The following LRBA variants were observed in gnomAD, a reference collection of about 807,000 sequenced individuals.
LRBA encodes the protein LPS responsive beige-like anchor protein, also known as lipopolysaccharide-responsive and beige-like anchor protein.
Under a neutral mutation model 330.0 loss-of-function variants are expected in LRBA, and 176 were observed. That is an observed-to-expected ratio of 0.53 (90% CI 0.47 to 0.60). LRBA has a LOEUF of 0.60. LRBA is among the 20% of genes least tolerant of loss of function. The probability of loss-of-function intolerance (pLI) is 0.00; values close to 1 mark genes in which losing one functional copy is unlikely to be tolerated. For missense variants in LRBA, 3,259 were observed against 3,444.8 expected (o/e 0.95, Z 1.35); for synonymous variants, 1,230 against 1,193.0 (o/e 1.03, Z -0.64).
intron 2 of LRBA, among the ~76,000 whole-genome samples, chr4:151,003,039 T>C (rs1268606934): frequency 1.3e-5 from 1 of 75,346 alleles, no homozygotes; most frequent in Non-Finnish European, 3.4e-5. Context: ...TGTGTGTATG[T>C]GTTTGCGTGT....
chr4:150,569,824 C>T (rs1274455323), intron 40 of LRBA, among the ~76,000 whole-genome samples: 1 of 151,794 alleles, frequency 6.6e-6, no homozygotes, highest in Non-Finnish European at 1.5e-5. Context: ...TCCAGAATAC[C>T]ACAGAGAAAA....
intron 46 of LRBA, among the ~76,000 whole-genome samples, chr4:150,431,911 A>G (rs1750434633): frequency 6.6e-6 from 1 of 152,132 alleles, no homozygotes; most frequent in Non-Finnish European, 1.5e-5. Flanking sequence ...TATAAATAAA[A>G]GATTGCTTTA....
chr4:150,870,118 C>T (rs945910504), intron 20 of LRBA, among the ~76,000 whole-genome samples: 1 of 152,132 alleles, frequency 6.6e-6, no homozygotes, highest in Non-Finnish European at 1.5e-5. Context: ...GACTGTTTAA[C>T]AAGACTATCT....
chr4:150,441,813 T>C (rs2152005970), intron 44 of LRBA, among the ~76,000 whole-genome samples: 1 of 152,214 alleles, frequency 6.6e-6, no homozygotes, highest in South Asian at 2.1e-4. Context: ...GTATTACAAG[T>C]TGGTTTTCCT....
At chr4:150,461,838 T>G (rs1393331898) in intron 44 of LRBA, among the ~76,000 whole-genome samples, 1 of 151,728 alleles carries the variant, frequency 6.6e-6, no homozygotes, top group Non-Finnish European at 1.5e-5. Context: ...ATAACTACAC[T>G]GGTCAACTAG....
intron 47 of LRBA, among the ~76,000 whole-genome samples, chr4:150,409,334 C>T (rs79456362): frequency 0.15 from 22,874 of 151,988 alleles, 1,725 homozygotes; most frequent in Middle Eastern, 0.17. Flanking sequence ...GTTGTTTCTA[C>T]CCAGATAATC....
rs1481422667 is a variant in LRBA, at chr4:150,953,738, T to C, written c.217-24673A>G. 2.6e-5 allele frequency among the ~76,000 whole-genome samples: 4 copies of C among 151,908 alleles called. No homozygotes were observed. The East Asian group carries it at 5.8e-4, about 22-fold the overall frequency. On this transcript the variant is annotated intron_variant, in intron 2 of 56. Transcript: ENST00000651943. ...AACCTCCACCTCCCAGCCGCCTGCC[T>C]TGGCCTCCCAAAGTGCCAAGATTGC...
chr4:150,882,680 C>T (rs1357147787), intron 17 of LRBA, among the ~76,000 whole-genome samples: 2 of 151,828 alleles, frequency 1.3e-5, no homozygotes, highest in African/African-American at 4.8e-5. Flanking sequence ...AGAGAAACGC[C>T]CAAAAAGATA....
chr4:150,325,359 C>T (rs1415899860), intron 49 of LRBA, among the ~76,000 whole-genome samples: 1 of 152,194 alleles, frequency 6.6e-6, no homozygotes, highest in African/African-American at 2.4e-5. Context: ...TTTTTCTCCT[C>T]ACTGTGGTCC....
intron 2 of LRBA, among the ~76,000 whole-genome samples, chr4:150,989,600 G>A (rs1001052702): frequency 4.6e-5 from 7 of 151,962 alleles, no homozygotes; most frequent in South Asian, 2.1e-4. Flanking sequence ...GCGACAGAGC[G>A]AGACTCCATC....
intron 47 of LRBA, among the ~76,000 whole-genome samples, chr4:150,390,031 G>A (rs1429398417): frequency 1.3e-5 from 2 of 149,980 alleles, no homozygotes; most frequent in African/African-American, 4.9e-5. Flanking sequence ...AACACACCAA[G>A]TTCTGTTCCA....
intron 2 of LRBA, chr4:151,013,278 A>C (rs1235790972): frequency 1.3e-5 from 2 of 152,226 alleles, no homozygotes; most frequent in East Asian, 3.9e-4. Flanking sequence ...GGTAGGTAGA[A>C]AAGGGGGAAG....
intron 40 of LRBA, 33 bp downstream of exon 40, chr4:150,588,015 A>C: frequency 1.2e-6 from 2 of 1,601,084 alleles, no homozygotes; most frequent in Non-Finnish European, 1.7e-6. Flanking sequence ...CCATCCCATC[A>C]TAAGAAAAAA....
intron 40 of LRBA, among the ~76,000 whole-genome samples, chr4:150,560,987 A>G (rs935919832): frequency 6.6e-6 from 1 of 152,094 alleles, no homozygotes; most frequent in African/African-American, 2.4e-5. Context: ...CTCCATCTCA[A>G]AAAAAAGAAA....
At chr4:150,525,550 T>G (rs1039871016) in intron 40 of LRBA, among the ~76,000 whole-genome samples, 2 of 152,164 alleles carry the variant, frequency 1.3e-5, no homozygotes, top group African/African-American at 4.8e-5. Flanking sequence ...TACAAGGAAC[T>G]ACAGGTTCAC....
At chr4:150,374,915 C>T (rs1021456614) in intron 47 of LRBA, among the ~76,000 whole-genome samples, 2 of 152,118 alleles carry the variant, frequency 1.3e-5, no homozygotes, top group Non-Finnish European at 2.9e-5. Context: ...ACTCAGTGTA[C>T]GGTCAGGGTC....
chr4:150,879,795 A>G (rs944519780), intron 17 of LRBA, among the ~76,000 whole-genome samples: 1 of 152,214 alleles, frequency 6.6e-6, no homozygotes, highest in Non-Finnish European at 1.5e-5. Context: ...AAGAATCAAT[A>G]TTATTTTAAT....
rs1405692012 is a variant in LRBA at position 150,488,703 on chromosome 4, T to A, written c.6449-869A>T. ...AGAATCATATGTAAGCTACAAGCGA[T>A]CATCTAGAAGATGGTCCTTCTTCTC... On this transcript the variant is annotated intron_variant, in intron 41 of 56. Transcript: ENST00000651943. Among the ~76,000 whole-genome samples the A allele has an allele frequency of 6.6e-5, 10 of 150,768 alleles. No homozygotes were observed. In the Admixed American group the frequency reaches 6.7e-4, roughly 10 times the overall value.
chr4:150,584,241 C>T, intron 40 of LRBA: 1 of 1,026,022 alleles, frequency 9.7e-7, no homozygotes, highest in Non-Finnish European at 1.3e-6. Context: ...CGGCAGAAGA[C>T]CTTCATTAAT....
Sources: gnomAD v4.1 joint callset for allele counts (sites outside exome capture counted in the v4.1 genomes callset) on GRCh38, gnomAD v4.1.1 for gene constraint, MANE v1.5 for transcripts, NCBI Gene and HGNC (gene_info 2026-07-23, HGNC 2026-07-21) for gene names.